The following MYT1L variants were observed in gnomAD, a reference collection of about 807,000 sequenced individuals.
MYT1L encodes the protein myelin transcription factor 1 like.
In MYT1L, 12 loss-of-function variants were observed where a neutral mutation model predicts 126.7. The observed-to-expected ratio is 0.09, with a 90% confidence interval of 0.06 to 0.15. The LOEUF is 0.15. Ranked by LOEUF, MYT1L falls within the 10% of genes least tolerant of loss-of-function variation. The probability of loss-of-function intolerance (pLI) is 1.00; values close to 1 mark genes in which losing one functional copy is unlikely to be tolerated. For missense variants in MYT1L, 979 were observed against 1,585.2 expected (o/e 0.62, Z 6.49); for synonymous variants, 541 against 604.2 (o/e 0.90, Z 1.53).
chr2:2,057,777 T>G (rs571496144), intron 3 of MYT1L, among the ~76,000 whole-genome samples: 2 of 152,358 alleles, frequency 1.3e-5, no homozygotes, highest in African/African-American at 4.8e-5. Flanking sequence ...TATCAATAGT[T>G]TATTCTTTCT....
intron 23 of MYT1L, among the ~76,000 whole-genome samples, chr2:1,796,873 C>T (rs760377202): frequency 2.0e-5 from 3 of 152,170 alleles, no homozygotes; most frequent in East Asian, 1.9e-4. Context: ...ACACAAATGC[C>T]GCTTGCCCAG....
intron 2 of MYT1L, among the ~76,000 whole-genome samples, chr2:2,249,901 C>A (rs184905849): frequency 6.6e-6 from 1 of 151,980 alleles, no homozygotes; most frequent in South Asian, 2.1e-4. Context: ...ATACAAATAT[C>A]AAACAGGCAT....
intron 3 of MYT1L, among the ~76,000 whole-genome samples, chr2:2,149,464 G>A (rs191279789): frequency 5.3e-5 from 8 of 152,282 alleles, no homozygotes; most frequent in Non-Finnish European, 1.2e-4. Context: ...AAGCCACCTC[G>A]GCCAAGTGGC....
At chr2:2,199,355 A>C (rs2092957392) in intron 2 of MYT1L, among the ~76,000 whole-genome samples, 1 of 152,232 alleles carries the variant, frequency 6.6e-6, no homozygotes, top group African/African-American at 2.4e-5. Flanking sequence ...ACACTTGGGC[A>C]CTGCCTTCTT....
At chr2:2,212,238 A>AT (rs200652969) in intron 2 of MYT1L, among the ~76,000 whole-genome samples, 21,982 of 152,096 alleles carry the variant, frequency 0.14, 1,720 homozygotes, top group African/African-American at 0.19. Context: ...TTAACTTTGA[A>AT]CACCAATATC....
chr2:1,818,546 C>T (rs1369754918), intron 21 of MYT1L, among the ~76,000 whole-genome samples: 2 of 152,150 alleles, frequency 1.3e-5, no homozygotes, highest in South Asian at 4.1e-4. Context: ...ATTCTTGTCA[C>T]TGATTGACTC....
At chr2:2,316,371 T>C (rs1050611379) in intron 1 of MYT1L, among the ~76,000 whole-genome samples, 6 of 152,198 alleles carry the variant, frequency 3.9e-5, no homozygotes, top group Non-Finnish European at 5.9e-5. Flanking sequence ...AGACCAGAAG[T>C]AGGACATGGA....
rs201417326 is a variant in MYT1L at position 1,801,848 on chromosome 2, T to C, written c.3173-49A>G. 3 of 1,208,434 alleles carry C rather than the reference T, an allele frequency of 2.5e-6. No homozygotes were observed. The highest frequency in any genetic ancestry group is 1.4e-5 in the South Asian group (1 of 71,546). The allele number at this position is 1,208,434 out of a possible 1,614,324, so 74.9% of individuals were successfully genotyped here. A position where few individuals can be genotyped will look rare whatever the true frequency, so the allele number is the denominator to read the frequency against. ...TTAAAACTGTTATATACAAAAATAT[T>C]AGAGTTAGAATTTTGGGAGCTTTCT... On this transcript the variant is annotated intron_variant, in intron 22 of 24. Transcript: ENST00000647738. The surrounding 1 kb of genome is among the most constrained non-coding windows in gnomAD (Gnocchi z 4.2).
At chr2:1,989,958 T>C (rs562086697) in intron 5 of MYT1L, among the ~76,000 whole-genome samples, 4 of 152,224 alleles carry the variant, frequency 2.6e-5, no homozygotes, top group African/African-American at 7.2e-5. Flanking sequence ...AGATCCACCA[T>C]TGCACTCCAG....
At chr2:2,100,256 C>T (rs561320948) in intron 3 of MYT1L, among the ~76,000 whole-genome samples, 6 of 152,134 alleles carry the variant, frequency 3.9e-5, no homozygotes, top group African/African-American at 7.2e-5. Context: ...AGGACAGAAG[C>T]GGGCACCAGT....
chr2:1,979,700 G>A lies in MYT1L; in HGVS notation c.55+23C>T. 1 of 1,613,974 alleles carries A rather than the reference G, an allele frequency of 6.2e-7. No individual in the cohort carries two copies. The highest frequency in any genetic ancestry group is 8.5e-7 in the Non-Finnish European group (1 of 1,179,858). ...GAAGGTGACCCTGAGCCGGCCTCAG[G>A]ATGCAGGGAAGCGCGGACATACCTC... is the stretch of plus-strand genomic sequence containing the variant. On this transcript the variant is annotated intron_variant, in intron 6 of 24. Transcript: ENST00000647738. The surrounding 1 kb of genome is among the most constrained non-coding windows in gnomAD (Gnocchi z 4.0).
intron 2 of MYT1L, among the ~76,000 whole-genome samples, chr2:2,245,871 T>C (rs1235160993): frequency 1.3e-5 from 2 of 152,206 alleles, no homozygotes; most frequent in Non-Finnish European, 2.9e-5. Context: ...GCTGTGAACA[T>C]GGAGGCTGGG....
At chr2:2,282,550 A>T (rs948653093) in intron 2 of MYT1L, among the ~76,000 whole-genome samples, 1 of 152,212 alleles carries the variant, frequency 6.6e-6, no homozygotes, top group Admixed American at 6.5e-5. Context: ...CAAAAGCTTC[A>T]AAATGTATAT....
intron 1 of MYT1L, among the ~76,000 whole-genome samples, chr2:2,304,850 C>A (rs776046769): frequency 4.6e-5 from 7 of 152,178 alleles, no homozygotes; most frequent in African/African-American, 9.7e-5. Flanking sequence ...GCAGGCATGG[C>A]ATTAGGAAGA....
In MYT1L at chr2:1,840,920, T is replaced by C. The variant is rs1414577556; in HGVS notation, c.2775-77A>G. 22 of 998,874 alleles carry C rather than the reference T, an allele frequency of 2.2e-5. No homozygotes were observed. In the Admixed American group the frequency reaches 5.4e-4, roughly 25 times the overall value. 61.9% of individuals were successfully genotyped at this position (998,874 alleles called of 1,614,324 possible). ...GCTTTCTTTCTTTTTTTTTTTTTTT[T>C]TGAGACAGAGTCTCACTCTGTCACC... On this transcript the variant is annotated intron_variant, in intron 19 of 24. Transcript: ENST00000647738.
chr2:1,881,557 C>A (rs2047554006), intron 18 of MYT1L, among the ~76,000 whole-genome samples: 2 of 152,044 alleles, frequency 1.3e-5, no homozygotes, highest in African/African-American at 4.8e-5. Context: ...GTAGTGCAAA[C>A]TTTATAAACC....
At chr2:1,849,912 G>A (rs998562040) in intron 19 of MYT1L, among the ~76,000 whole-genome samples, 2 of 151,854 alleles carry the variant, frequency 1.3e-5, no homozygotes, top group South Asian at 2.1e-4. Context: ...AATCCAAAAC[G>A]CCAGCCAGTC....
intron 1 of MYT1L, among the ~76,000 whole-genome samples, chr2:2,320,950 A>C (rs543140026): frequency 6.6e-6 from 1 of 152,344 alleles, no homozygotes; most frequent in African/African-American, 2.4e-5. Flanking sequence ...AGCTGGATGG[A>C]TGCCAGGAGA....
At chr2:2,096,349 C>T (rs578120434) in intron 3 of MYT1L, among the ~76,000 whole-genome samples, 30 of 152,302 alleles carry the variant, frequency 2.0e-4, no homozygotes, top group South Asian at 4.1e-4. Context: ...ACAGGAGCCC[C>T]CGCTCTGCTC....
Sources: allele counts gnomAD v4.1 joint callset (sites outside exome capture counted in the v4.1 genomes callset), GRCh38; gene constraint gnomAD v4.1.1; non-coding constraint Gnocchi (gnomAD v3.1); transcripts MANE v1.5; gene names NCBI Gene and HGNC (gene_info 2026-07-23, HGNC 2026-07-21).